The following KCNU1 variants were observed in gnomAD, a reference collection of about 807,000 sequenced individuals.
The protein encoded by KCNU1 is potassium channel subfamily U member 1.
KCNU1 carries 93 observed loss-of-function variants against 126.8 expected under a neutral mutation model. The ratio of observed to expected loss-of-function variants is 0.73; its 90% CI spans 0.62 to 0.87. The LOEUF is 0.87. Ranked by LOEUF, KCNU1 falls within the 40% of genes least tolerant of loss-of-function variation. KCNU1 has a pLI of 0.00. For missense variants in KCNU1, 1,330 were observed against 1,367.1 expected, an observed-to-expected ratio of 0.97 and a Z score of 0.43; for synonymous variants, 523 against 494.2, an observed-to-expected ratio of 1.06 and a Z score of -0.77.
intron 1 of KCNU1, among the ~76,000 whole-genome samples, chr8:36,786,787 T>C (rs1419643743): frequency 1.3e-5 from 2 of 152,142 alleles, no homozygotes; most frequent in Admixed American, 6.5e-5. Flanking sequence ...GTAAAGACAT[T>C]CTATAAATGT....
At chr8:36,888,352 G>A in intron 19 of KCNU1, 1 of 347,608 alleles carries the variant, frequency 2.9e-6, no homozygotes, top group Non-Finnish European at 5.7e-6. Flanking sequence ...AGACTGGACA[G>A]TGTGAAAAGG....
intron 14 of KCNU1, among the ~76,000 whole-genome samples, chr8:36,838,433 G>A (rs555778279): frequency 6.6e-6 from 1 of 152,298 alleles, no homozygotes; most frequent in South Asian, 2.1e-4. Flanking sequence ...GCTCACGCCT[G>A]TAATCCCAAC....
intron 19 of KCNU1, among the ~76,000 whole-genome samples, chr8:36,869,802 A>G (rs1487862138): frequency 6.6e-6 from 1 of 152,170 alleles, no homozygotes; most frequent in Admixed American, 6.6e-5. Context: ...TGTTGTTGTC[A>G]TTGTATTTCC....
At chr8:36,908,733 T>G (rs544814710) in intron 20 of KCNU1, among the ~76,000 whole-genome samples, 1 of 152,068 alleles carries the variant, frequency 6.6e-6, no homozygotes, top group Non-Finnish European at 1.5e-5. Context: ...CAGGAGTCTA[T>G]AGAATCAGTT....
intron 19 of KCNU1, among the ~76,000 whole-genome samples, chr8:36,878,076 C>T (rs1048939357): frequency 6.6e-6 from 1 of 152,100 alleles, no homozygotes; most frequent in African/African-American, 2.4e-5. Flanking sequence ...ATTAACATCC[C>T]AACAATATCT....
chr8:36,816,639 T>C (rs960590017), intron 9 of KCNU1, among the ~76,000 whole-genome samples: 4 of 139,210 alleles, frequency 2.9e-5, no homozygotes, highest in South Asian at 2.2e-4. Flanking sequence ...TCAATAGGTC[T>C]GGGAACTTTA....
At chr8:36,807,257 G>A (rs1460372838) in intron 5 of KCNU1, 118 bp from the exon 6 acceptor site, 1 of 750,174 alleles carries the variant, frequency 1.3e-6, no homozygotes, top group Non-Finnish European at 2.3e-6. Context: ...CATGAGAATA[G>A]ATTTGGAACA....
intron 2 of KCNU1, among the ~76,000 whole-genome samples, chr8:36,803,046 A>G (rs1388451892): frequency 1.3e-5 from 2 of 152,122 alleles, no homozygotes; most frequent in African/African-American, 4.8e-5. Flanking sequence ...ATGATCTAAC[A>G]CCAGTCAGAG....
chr8:36,857,661 G>T (rs1805577488), intron 18 of KCNU1, among the ~76,000 whole-genome samples: 1 of 151,698 alleles, frequency 6.6e-6, no homozygotes, highest in African/African-American at 2.4e-5. Flanking sequence ...TGTTGTTGTT[G>T]TTGAGAAGGA....
chr8:36,855,722 G>A lies in KCNU1; in HGVS notation c.1892-8682G>A, dbSNP rs145732394. 3.3e-5 allele frequency among the ~76,000 whole-genome samples: 5 copies of A among 151,596 alleles called. No individual in the cohort carries two copies. The East Asian group carries it at 9.7e-4, about 29-fold the overall frequency. On this transcript the variant is annotated intron_variant, in intron 18 of 26. Transcript: ENST00000399881. Reference sequence around the variant, plus strand: ...TTTTGCCAGTTTATTCTATTTTTATGGAGGGGCGGCCTATCTCGTGTCCTT... The same window carrying A: ...TTTTGCCAGTTTATTCTATTTTTATAGAGGGGCGGCCTATCTCGTGTCCTT...
intron 10 of KCNU1, among the ~76,000 whole-genome samples, chr8:36,825,073 G>C (rs551592762): frequency 1.3e-5 from 2 of 152,164 alleles, no homozygotes; most frequent in Admixed American, 6.5e-5. Context: ...CAGTATCCCT[G>C]AGAGTTCCTG....
At chr8:36,849,981 T>A (rs911462847) in intron 18 of KCNU1, among the ~76,000 whole-genome samples, 2 of 152,212 alleles carry the variant, frequency 1.3e-5, no homozygotes, top group African/African-American at 4.8e-5. Context: ...CATTCTCACC[T>A]ACACTTACTT....
chr8:36,922,481 G>T lies in KCNU1; in HGVS notation c.2597-9G>T. On this transcript the variant is annotated splice_polypyrimidine_tract_variant and intron_variant, in intron 23 of 26. Transcript: ENST00000399881. ...TGCTTGTCTTTCCTTTTTGCCTCTT[G>T]CCTTGCAGAAAATCCTTCCAACATT... 1 of 1,604,938 alleles carries T rather than the reference G, an allele frequency of 6.2e-7. No individual in the cohort carries two copies. The highest frequency in any genetic ancestry group is 8.5e-7 in the Non-Finnish European group (1 of 1,177,004).
At chr8:36,866,766 T>A (rs562562302) in intron 19 of KCNU1, among the ~76,000 whole-genome samples, 45 of 152,190 alleles carry the variant, frequency 3.0e-4, no homozygotes, top group African/African-American at 9.9e-4. Flanking sequence ...ATAAAATGAA[T>A]CAGAGGCCAA....
intron 18 of KCNU1, among the ~76,000 whole-genome samples, chr8:36,858,755 A>G (rs905768556): frequency 6.6e-6 from 1 of 152,130 alleles, no homozygotes; most frequent in African/African-American, 2.4e-5. Flanking sequence ...AAAAAGGAGG[A>G]TTCTGCCTTT....
At chr8:36,805,344 G>A in intron 4 of KCNU1, 59 bp downstream of exon 4, 1 of 1,003,804 alleles carries the variant, frequency 1.0e-6, no homozygotes, top group Non-Finnish European at 1.5e-6. Flanking sequence ...AACATACAGA[G>A]AACTAACTGT....
intron 19 of KCNU1, among the ~76,000 whole-genome samples, chr8:36,894,917 A>G (rs1807124206): frequency 6.6e-6 from 1 of 152,082 alleles, no homozygotes; most frequent in South Asian, 2.1e-4. Flanking sequence ...TGAATAATAT[A>G]TTAATTTATC....
intron 2 of KCNU1, among the ~76,000 whole-genome samples, chr8:36,791,750 C>T (rs1802910617): frequency 6.6e-6 from 1 of 151,942 alleles, no homozygotes; most frequent in Admixed American, 6.6e-5. Flanking sequence ...TGTAATGCAA[C>T]CTCTCGGAAA....
intron 19 of KCNU1, among the ~76,000 whole-genome samples, chr8:36,890,673 G>A (rs1490348758): frequency 6.6e-6 from 1 of 151,902 alleles, no homozygotes; most frequent in African/African-American, 2.4e-5. Flanking sequence ...TTCAATATGA[G>A]TGGCATAAAT....
Sources: allele counts gnomAD v4.1 joint callset (sites outside exome capture counted in the v4.1 genomes callset), GRCh38; gene constraint gnomAD v4.1.1; transcripts MANE v1.5; gene names NCBI Gene and HGNC (gene_info 2026-07-23, HGNC 2026-07-21).